Variants in DPP10 observed in about 807,000 individuals in gnomAD.
DPP10 encodes the protein dipeptidyl peptidase like 10, also known as inactive dipeptidyl peptidase 10.
Under a neutral mutation model 120.9 loss-of-function variants are expected in DPP10, and 33 were observed. That is an observed-to-expected ratio of 0.27 (90% CI 0.21 to 0.37). The LOEUF (loss-of-function observed/expected upper bound fraction) is 0.37, where lower values mean the gene tolerates loss of function less well. Among genes scored for constraint, DPP10 ranks in the 10% least tolerant of loss-of-function variants. The pLI is 1.00. For missense variants in DPP10, 816 were observed against 942.8 expected (o/e 0.87, Z 1.76); for synonymous variants, 337 against 326.1 (o/e 1.03, Z -0.36).
intron 1 of DPP10, among the ~76,000 whole-genome samples, chr2:115,279,593 G>A (rs564426555): frequency 6.8e-6 from 1 of 147,960 alleles, no homozygotes; most frequent in Non-Finnish European, 1.5e-5. Context: ...CCAGAATTTT[G>A]GGTAGCATTT....
intron 1 of DPP10, among the ~76,000 whole-genome samples, chr2:114,467,008 C>A (rs910551006): frequency 1.3e-5 from 2 of 151,082 alleles, no homozygotes; most frequent in South Asian, 4.2e-4. Context: ...GCCACTGCCT[C>A]CCAGGGCGAG....
intron 1 of DPP10, among the ~76,000 whole-genome samples, chr2:115,281,272 A>G (rs1462182140): frequency 1.3e-5 from 2 of 152,168 alleles, no homozygotes; most frequent in African/African-American, 2.4e-5. Context: ...AAACAAAAGT[A>G]AGCCTCTGTG....
At chr2:114,640,877 TC>T (rs897676238) in intron 1 of DPP10, among the ~76,000 whole-genome samples, 6 of 151,904 alleles carry the variant, frequency 3.9e-5, no homozygotes, top group Admixed American at 3.9e-4. Context: ...GAAGGAGGTT[TC>T]CCTCGGTCCC....
At chr2:115,105,133 T>G (rs2048884944) in intron 1 of DPP10, among the ~76,000 whole-genome samples, 1 of 152,238 alleles carries the variant, frequency 6.6e-6, no homozygotes, top group Non-Finnish European at 1.5e-5. Context: ...CCGTTTGTCT[T>G]TAGCACATAC....
At chr2:114,462,916 A>G (rs1679049933) in intron 1 of DPP10, among the ~76,000 whole-genome samples, 1 of 152,272 alleles carries the variant, frequency 6.6e-6, no homozygotes, top group Non-Finnish European at 1.5e-5. Flanking sequence ...GCTCCTGCAT[A>G]CTTTTAGCCT....
chr2:115,365,890 G>A (rs1263414628), intron 3 of DPP10, among the ~76,000 whole-genome samples: 2 of 152,038 alleles, frequency 1.3e-5, no homozygotes, highest in Non-Finnish European at 2.9e-5. Context: ...GTCAAAAGCT[G>A]TGACAGAGCT....
chr2:115,161,679 G>A (rs1252043361), intron 1 of DPP10: 2 of 341,128 alleles, frequency 5.9e-6, no homozygotes, highest in Non-Finnish European at 1.1e-5. Flanking sequence ...CTTGCCGCTT[G>A]GTCTCGCCTC....
intron 1 of DPP10, among the ~76,000 whole-genome samples, chr2:114,454,447 A>C (rs1678453661): frequency 6.6e-6 from 1 of 152,182 alleles, no homozygotes; most frequent in Non-Finnish European, 1.5e-5. Context: ...ACATGAGTTC[A>C]GATAAGCTTA....
intron 3 of DPP10, among the ~76,000 whole-genome samples, chr2:115,478,768 G>C (rs992485355): frequency 1.3e-5 from 2 of 152,092 alleles, no homozygotes; most frequent in Non-Finnish European, 2.9e-5. Context: ...TTTCCAAAAA[G>C]ATATGCAAAT....
chr2:114,793,443 C>T (rs1296731377), intron 1 of DPP10, among the ~76,000 whole-genome samples: 4 of 152,104 alleles, frequency 2.6e-5, no homozygotes, highest in Admixed American at 6.6e-5. Context: ...TGATGGTTTC[C>T]AGTTACATCC....
At chr2:114,942,300 T>TATATATATATATATATATATATACAG (rs1553458469) in intron 1 of DPP10, among the ~76,000 whole-genome samples, 1 of 110,620 alleles carries the variant, frequency 9.0e-6, no homozygotes. Flanking sequence ...TATATATACA[T>TATATATATATATATATATATATACAG]ATATATATAT....
At chr2:115,568,361 T>C (rs1012920167) in intron 5 of DPP10, among the ~76,000 whole-genome samples, 6 of 151,594 alleles carry the variant, frequency 4.0e-5, no homozygotes, top group Non-Finnish European at 8.8e-5. Context: ...TGTGCACCTG[T>C]AGTCTCAGCT....
intron 1 of DPP10, among the ~76,000 whole-genome samples, chr2:114,885,547 T>G (rs1338126442): frequency 1.3e-5 from 2 of 152,154 alleles, no homozygotes; most frequent in East Asian, 3.9e-4. Context: ...ATTAGAAAAT[T>G]TTTATCTTTA....
intron 21 of DPP10, among the ~76,000 whole-genome samples, chr2:115,834,631 ATTAAAC>A (rs1238520508): frequency 1.3e-5 from 2 of 152,212 alleles, no homozygotes; most frequent in Non-Finnish European, 2.9e-5. Flanking sequence ...GGTATTCAAA[ATTAAAC>A]TTAAACAATA....
intron 3 of DPP10, among the ~76,000 whole-genome samples, chr2:115,427,106 T>C (rs2070548324): frequency 6.6e-6 from 1 of 152,180 alleles, no homozygotes; most frequent in African/African-American, 2.4e-5. Flanking sequence ...ATGTCCCACA[T>C]ACAGGGCACA....
Position 115,751,838 on chromosome 2 carries a change from G to A in DPP10, c.951-1336G>A, listed in dbSNP as rs187279973. On this transcript the variant is annotated intron_variant, in intron 10 of 25. Coordinates refer to ENST00000410059, the MANE Select transcript of DPP10 (RefSeq NM_020868.6). Reference sequence around the variant, plus strand: ...TTTTGAGACAGAGTCTTGCTCTGTCGCCCAGGCTGTAGGGCAGTGGCACGA... The same window carrying A: ...TTTTGAGACAGAGTCTTGCTCTGTCACCCAGGCTGTAGGGCAGTGGCACGA... Among the ~76,000 whole-genome samples the A allele has an allele frequency of 1.5e-3, 212 of 145,370 alleles. 1 individual carries two copies. Among genetic ancestry groups the A allele is most frequent in the African/African-American group, 4.6e-3 (178 of 38,774 alleles).
At chr2:115,492,587 G>GA (rs35371173) in intron 3 of DPP10, among the ~76,000 whole-genome samples, 8 of 151,652 alleles carry the variant, frequency 5.3e-5, no homozygotes, top group Admixed American at 1.3e-4. Context: ...GAAAGTTCTT[G>GA]AAAAAAAAGA....
At chr2:115,670,113 A>G (rs564019145) in intron 5 of DPP10, among the ~76,000 whole-genome samples, 32 of 152,136 alleles carry the variant, frequency 2.1e-4, no homozygotes, top group Admixed American at 6.6e-4. Context: ...TCTTCACATA[A>G]CAGAGATCAG....
chr2:115,142,271 T>C (rs937114859), intron 1 of DPP10, among the ~76,000 whole-genome samples: 2 of 152,098 alleles, frequency 1.3e-5, no homozygotes, highest in African/African-American at 4.8e-5. Context: ...TTTGCAGTGA[T>C]CAGTTAATCA....
Sources: gnomAD v4.1 joint callset for allele counts (sites outside exome capture counted in the v4.1 genomes callset) on GRCh38, gnomAD v4.1.1 for gene constraint, MANE v1.5 for transcripts, NCBI Gene and HGNC (gene_info 2026-07-23, HGNC 2026-07-21) for gene names.